Variants in SYT16 observed in about 807,000 individuals in gnomAD.
The protein encoded by SYT16 is synaptotagmin-16.
Under a neutral mutation model 61.4 loss-of-function variants are expected in SYT16, and 42 were observed. The ratio of observed to expected loss-of-function variants is 0.68; its 90% confidence interval spans 0.53 to 0.89. SYT16 has a LOEUF of 0.89. Ranked by LOEUF, SYT16 falls within the 40% of genes least tolerant of loss-of-function variation. The pLI, the probability that SYT16 is intolerant of heterozygous loss-of-function variation, is 0.00. For synonymous variants in SYT16, 314 were observed against 302.3 expected, an observed-to-expected ratio of 1.04 and a Z score of -0.40; for missense variants, 804 against 807.3, an observed-to-expected ratio of 1.00 and a Z score of 0.05.
At chr14:61,813,372 G>A (rs1416045691) in intron 1 of SYT16, among the ~76,000 whole-genome samples, 2 of 152,236 alleles carry the variant, frequency 1.3e-5, no homozygotes, top group Non-Finnish European at 2.9e-5. Flanking sequence ...GAATGGAAGC[G>A]TTGGAAGGCG....
intron 1 of SYT16, among the ~76,000 whole-genome samples, chr14:61,879,017 T>C (rs912183681): frequency 6.6e-6 from 1 of 152,218 alleles, no homozygotes; most frequent in Non-Finnish European, 1.5e-5. Flanking sequence ...CCTTCAGTGC[T>C]ACCACTGTAA....
At chr14:62,096,166 G>A (rs546943161) in intron 7 of SYT16, among the ~76,000 whole-genome samples, 1 of 151,952 alleles carries the variant, frequency 6.6e-6, no homozygotes, top group Non-Finnish European at 1.5e-5. Context: ...TTTGGGTAGG[G>A]TTTCTTTTAA....
intron 1 of SYT16, chr14:61,865,391 A>T (rs2047115973): frequency 1.6e-6 from 1 of 620,452 alleles, no homozygotes; most frequent in Non-Finnish European, 3.0e-6. Context: ...CTCCTCATTT[A>T]TGTGATTTAC....
At chr14:62,022,444 C>CTAT (rs2053946101) in intron 3 of SYT16, among the ~76,000 whole-genome samples, 1 of 151,988 alleles carries the variant, frequency 6.6e-6, no homozygotes, top group East Asian at 1.9e-4. Context: ...GCTGTTTCTG[C>CTAT]GAGTTCTCTT....
At chr14:61,925,189 A>G (rs1301182002) in intron 1 of SYT16, among the ~76,000 whole-genome samples, 2 of 152,096 alleles carry the variant, frequency 1.3e-5, no homozygotes, top group Non-Finnish European at 2.9e-5. Context: ...ATAGATTCTG[A>G]CGGTAAGATG....
chr14:61,814,822 G>GA (rs2045378096), intron 1 of SYT16, among the ~76,000 whole-genome samples: 2 of 152,174 alleles, frequency 1.3e-5, no homozygotes, highest in Admixed American at 1.3e-4. Context: ...GGGAGAGAAG[G>GA]AAAGTATTCT....
intron 3 of SYT16, among the ~76,000 whole-genome samples, chr14:62,019,004 C>G (rs1423456890): frequency 4.6e-5 from 7 of 152,202 alleles, no homozygotes; most frequent in Admixed American, 1.3e-4. Context: ...TTGGTGTACT[C>G]TGTTTCCAAA....
At chr14:62,054,360 G>GTTGTTTTTTTT (rs1411904235) in intron 3 of SYT16, among the ~76,000 whole-genome samples, 6 of 118,298 alleles carry the variant, frequency 5.1e-5, no homozygotes, top group African/African-American at 6.8e-5. Flanking sequence ...AGTGAAGTGA[G>GTTGTTTTTTTT]TTTTTTTTTT....
intron 2 of SYT16, among the ~76,000 whole-genome samples, chr14:61,978,399 A>G (rs1350616145): frequency 6.6e-6 from 1 of 152,242 alleles, no homozygotes; most frequent in Non-Finnish European, 1.5e-5. Flanking sequence ...AGATGTAACA[A>G]AAGCTTGTCA....
intron 7 of SYT16, among the ~76,000 whole-genome samples, chr14:62,097,474 A>G (rs1191859075): frequency 6.6e-6 from 1 of 152,186 alleles, no homozygotes; most frequent in African/African-American, 2.4e-5. Flanking sequence ...TCATCAGAGT[A>G]AGTCACGGAA....
chr14:62,048,919 G>A (rs2055132088), intron 3 of SYT16, among the ~76,000 whole-genome samples: 1 of 152,150 alleles, frequency 6.6e-6, no homozygotes, highest in Non-Finnish European at 1.5e-5. Flanking sequence ...TTTGGAATAG[G>A]TGTGGTGTGG....
At chr14:61,821,648 C>T (rs1194061359) in intron 1 of SYT16, among the ~76,000 whole-genome samples, 1 of 152,190 alleles carries the variant, frequency 6.6e-6, no homozygotes, top group Non-Finnish European at 1.5e-5. Context: ...TTCATCAAAG[C>T]CAGCAAGGGA....
At chr14:62,022,646 G>A (rs2053956821) in intron 3 of SYT16, among the ~76,000 whole-genome samples, 1 of 151,682 alleles carries the variant, frequency 6.6e-6, no homozygotes, top group African/African-American at 2.4e-5. Context: ...ACAGACATAT[G>A]TATATATGTC....
Position 62,081,302 on chromosome 14 carries a change from G to A in SYT16, c.1434+28G>A, listed in dbSNP as rs374263181. 2.4e-5 allele frequency: 38 copies of A among 1,593,068 alleles called. No homozygotes were observed. The Middle Eastern group carries it at 6.7e-4, about 28-fold the overall frequency. ...GAGTATGTTAAATGGTGCTGCTAAT[G>A]ATGTGGTGTGTTCGAAGACCTGGGA... is the stretch of plus-strand genomic sequence containing the variant. On this transcript the variant is annotated intron_variant, in intron 6 of 7. Transcript: ENST00000683842.
intron 3 of SYT16, among the ~76,000 whole-genome samples, chr14:62,060,071 T>C (rs1448896753): frequency 6.6e-6 from 1 of 152,132 alleles, no homozygotes; most frequent in Non-Finnish European, 1.5e-5. Flanking sequence ...TACTTTGCTC[T>C]TCTTAAAAAT....
At chr14:61,813,325 G>T (rs2045326662) in intron 1 of SYT16, among the ~76,000 whole-genome samples, 1 of 152,254 alleles carries the variant, frequency 6.6e-6, no homozygotes, top group South Asian at 2.1e-4. Flanking sequence ...TGGTCAGTGG[G>T]TGGGAGGAGT....
chr14:62,067,057 T>C (rs2056090298), intron 3 of SYT16, among the ~76,000 whole-genome samples: 1 of 152,042 alleles, frequency 6.6e-6, no homozygotes, highest in African/African-American at 2.4e-5. Context: ...CTAGTGTATA[T>C]AGGGGCTGGA....
chr14:61,891,266 A>ACACG (rs1165098167), intron 1 of SYT16, among the ~76,000 whole-genome samples: 4 of 151,590 alleles, frequency 2.6e-5, no homozygotes, highest in African/African-American at 9.7e-5. Context: ...ACACACACAC[A>ACACG]CACACAATTT....
intron 1 of SYT16, among the ~76,000 whole-genome samples, chr14:61,816,917 AG>A (rs1442482758): frequency 6.6e-6 from 1 of 151,808 alleles, no homozygotes; most frequent in Non-Finnish European, 1.5e-5. Context: ...AGGCTGAGGC[AG>A]GAGAATGGCG....
Sources: allele counts gnomAD v4.1 joint callset (sites outside exome capture counted in the v4.1 genomes callset), GRCh38; gene constraint gnomAD v4.1.1; transcripts MANE v1.5; gene names NCBI Gene and HGNC (gene_info 2026-07-23, HGNC 2026-07-21).